FLACC1: variants seen among roughly 807,000 people sequenced by gnomAD.
FLACC1 encodes flagellum associated containing coiled-coil domains 1.
In FLACC1, 66 loss-of-function variants were observed where a neutral mutation model predicts 62.8. That is an observed-to-expected ratio of 1.05 (90% CI 0.86 to 1.29). The LOEUF (loss-of-function observed/expected upper bound fraction) is 1.29, where lower values mean the gene tolerates loss of function less well. Among genes scored for constraint, FLACC1 ranks in the 50% most tolerant of loss-of-function variants. The probability of loss-of-function intolerance (pLI) is 0.00; values close to 1 mark genes in which losing one functional copy is unlikely to be tolerated. For synonymous variants in FLACC1, 156 were observed against 161.0 expected, an observed-to-expected ratio of 0.97 and a Z score of 0.24; for missense variants, 452 against 489.1, an observed-to-expected ratio of 0.92 and a Z score of 0.71.
Position 201,351,288 on chromosome 2 carries a change from T to A in FLACC1, c.113+4A>T. The stretch of plus-strand genomic sequence containing the variant: ...GTGCCTACCCCATCCCAGATAATTC[T>A]TACTTGGAACTCCCTGTGGAGTTCT... On this transcript the variant is annotated splice_donor_region_variant and intron_variant, in intron 2 of 14. Transcript: ENST00000392257. The A allele has an allele frequency of 1.2e-6, 2 of 1,605,232 alleles. No homozygotes were observed. The highest frequency in any genetic ancestry group is 1.7e-5 in the Admixed American group (1 of 59,984).
intron 11 of FLACC1, among the ~76,000 whole-genome samples, chr2:201,303,506 G>A (rs1950033818): frequency 6.6e-6 from 1 of 152,196 alleles, no homozygotes; most frequent in South Asian, 2.1e-4. Context: ...GAGGTACAAG[G>A]AGGAGCTGGT....
intron 7 of FLACC1, among the ~76,000 whole-genome samples, chr2:201,341,408 T>A (rs1484555101): frequency 6.7e-6 from 1 of 148,482 alleles, no homozygotes; most frequent in Non-Finnish European, 1.5e-5. Context: ...TATATATATA[T>A]ATAAATCATA....
intron 10 of FLACC1, 46 bp from the exon 11 acceptor site, chr2:201,307,668 A>T (rs756879959): frequency 7.2e-7 from 1 of 1,382,430 alleles, no homozygotes. Context: ...AGATGGGAAA[A>T]GCAGGTGCAA....
At chr2:201,328,176 A>AT (rs1010272861) in intron 9 of FLACC1, among the ~76,000 whole-genome samples, 2 of 151,842 alleles carry the variant, frequency 1.3e-5, no homozygotes, top group African/African-American at 2.4e-5. Flanking sequence ...GTGGCTTGTG[A>AT]TAAAAAAAAA....
chr2:201,339,276 AT>A (rs1950757235), intron 7 of FLACC1, among the ~76,000 whole-genome samples: 1 of 150,960 alleles, frequency 6.6e-6, no homozygotes, highest in Non-Finnish European at 1.5e-5. Flanking sequence ...CTCTTTTTTC[AT>A]TTCTGATTTT....
At chr2:201,339,402 C>A (rs1488741268) in intron 7 of FLACC1, among the ~76,000 whole-genome samples, 1 of 151,342 alleles carries the variant, frequency 6.6e-6, no homozygotes, top group Admixed American at 6.6e-5. Context: ...TTTTTAGTTT[C>A]TATTTCGTTT....
intron 12 of FLACC1, among the ~76,000 whole-genome samples, chr2:201,294,371 G>A (rs898435487): frequency 3.3e-5 from 5 of 152,092 alleles, no homozygotes; most frequent in African/African-American, 4.8e-5. Context: ...TTCAACATAC[G>A]CAAATCAATA....
chr2:201,325,004 T>C (rs58728749), intron 9 of FLACC1, among the ~76,000 whole-genome samples: 16,891 of 152,074 alleles, frequency 0.11, 985 homozygotes, highest in Non-Finnish European at 0.13. Context: ...AACAGGCGCC[T>C]GTAGTCTCAG....
chr2:201,330,582 T>G, intron 8 of FLACC1, 60 bp from the exon 9 acceptor site: 1 of 1,577,108 alleles, frequency 6.3e-7, no homozygotes, highest in Non-Finnish European at 8.7e-7. Flanking sequence ...ATTTTCAAAT[T>G]CAAATGTGAG....
intron 11 of FLACC1, among the ~76,000 whole-genome samples, chr2:201,303,505 G>C (rs535550710): frequency 6.6e-6 from 1 of 152,294 alleles, no homozygotes; most frequent in Admixed American, 6.5e-5. Context: ...AGAGGTACAA[G>C]GAGGAGCTGG....
intron 10 of FLACC1, among the ~76,000 whole-genome samples, chr2:201,308,507 C>T (rs888678339): frequency 1.3e-5 from 2 of 152,112 alleles, no homozygotes; most frequent in African/African-American, 4.8e-5. Flanking sequence ...GCGTGGAATG[C>T]GGAATAGGTC....
At chr2:201,337,356 G>C (rs528724675) in intron 7 of FLACC1, among the ~76,000 whole-genome samples, 95 of 152,194 alleles carry the variant, frequency 6.2e-4, no homozygotes, top group African/African-American at 1.9e-3. Flanking sequence ...TCTGCATATG[G>C]TTATTCAGTT....
At chr2:201,308,694 G>C (rs762842014) in intron 10 of FLACC1, among the ~76,000 whole-genome samples, 7 of 152,176 alleles carry the variant, frequency 4.6e-5, no homozygotes, top group Non-Finnish European at 1.0e-4. Context: ...TATTTACCAA[G>C]TGTGACTTCC....
intron 9 of FLACC1, among the ~76,000 whole-genome samples, chr2:201,321,170 C>T (rs1950396678): frequency 6.6e-6 from 1 of 152,188 alleles, no homozygotes; most frequent in African/African-American, 2.4e-5. Flanking sequence ...GGTGCTGCTA[C>T]CCACTGTTGG....
upstream of FLACC1, among the ~76,000 whole-genome samples, chr2:201,359,190 GCTCGAGCAATTGAGTTGAC>G (rs759655793): frequency 6.6e-6 from 1 of 152,222 alleles, no homozygotes; most frequent in Non-Finnish European, 1.5e-5. Context: ...TGGCTTTCCA[GCTCGAGCAATTGAGTTGAC>G]CGTGGTGCCA....
At chr2:201,362,533 G>A in the FLACC1 span, among the ~76,000 whole-genome samples, 18 of 152,122 alleles carry the variant, frequency 1.2e-4, no homozygotes, top group Non-Finnish European at 2.4e-4. Context: ...GCATGCAGCT[G>A]ATAAAAATGA....
At chr2:201,363,467 G>T in the FLACC1 span, among the ~76,000 whole-genome samples, 1 of 151,904 alleles carries the variant, frequency 6.6e-6, no homozygotes, top group East Asian at 1.9e-4. Context: ...TTGCTCATCT[G>T]GTTCAGCAGC....
intron 3 of FLACC1, 121 bp from the exon 4 acceptor site, chr2:201,348,423 G>T: frequency 3.1e-6 from 3 of 971,532 alleles, no homozygotes; most frequent in Non-Finnish European, 4.5e-6. Context: ...CTTCTTAGGG[G>T]ATCCCTAGGA....
At chr2:201,323,924 T>C (rs1043254437) in intron 9 of FLACC1, among the ~76,000 whole-genome samples, 1 of 151,260 alleles carries the variant, frequency 6.6e-6, no homozygotes, top group Non-Finnish European at 1.5e-5. Flanking sequence ...ACTCATGAAG[T>C]CTATAAAGCA....
Sources: allele counts gnomAD v4.1 joint callset (sites outside exome capture counted in the v4.1 genomes callset), GRCh38; gene constraint gnomAD v4.1.1; transcripts MANE v1.5; gene names NCBI Gene and HGNC (gene_info 2026-07-23, HGNC 2026-07-21).